The following ACSL1 variants were observed in gnomAD, a reference collection of about 807,000 sequenced individuals.
ACSL1 encodes the protein long-chain-fatty-acid--CoA ligase 1.
ACSL1 carries 41 observed loss-of-function variants against 98.4 expected under a neutral mutation model. That is an observed-to-expected ratio of 0.42 (90% CI 0.32 to 0.54). The LOEUF is 0.54. Among genes scored for constraint, ACSL1 ranks in the 20% least tolerant of loss-of-function variants. The probability of loss-of-function intolerance (pLI) is 0.13; values close to 1 mark genes in which losing one functional copy is unlikely to be tolerated. For synonymous variants in ACSL1, 316 were observed against 322.7 expected, an observed-to-expected ratio of 0.98 and a Z score of 0.22; for missense variants, 734 against 883.1, an observed-to-expected ratio of 0.83 and a Z score of 2.14.
Position 184,766,543 on chromosome 4 carries a change from C to T in ACSL1, c.1263+79G>A. 1 of 1,537,132 alleles carries T rather than the reference C, an allele frequency of 6.5e-7. No individual in the cohort carries two copies. The highest frequency in any genetic ancestry group is 8.8e-7 in the Non-Finnish European group (1 of 1,133,456). ...CTCTCCCTTACCTTCATCTCTCCCT[C>T]TCACAAAAAAGGCCCTCCCAGAACT... On this transcript the variant is annotated intron_variant, in intron 13 of 20. Coordinates refer to ENST00000281455, the MANE Select transcript of ACSL1 (RefSeq NM_001995.5). This position sits in a 1 kb window ranked among gnomAD's most constrained non-coding sequence, Gnocchi z 4.8.
intron 1 of ACSL1, among the ~76,000 whole-genome samples, chr4:184,824,637 G>C (rs928291108): frequency 6.6e-5 from 10 of 152,174 alleles, no homozygotes; most frequent in Non-Finnish European, 7.3e-5. Flanking sequence ...TTTCCGAGTT[G>C]AGTCAGAACA....
chr4:184,773,189 G>T lies in ACSL1; in HGVS notation c.842-35C>A. 1 of 1,580,328 alleles carries T rather than the reference G, an allele frequency of 6.3e-7. No homozygotes were observed. The highest frequency in any genetic ancestry group is 8.7e-7 in the Non-Finnish European group (1 of 1,150,348). ...ACATATGAAGCAGAACAAAGTTAAA[G>T]AATGACAGAAATGAAGGAGGCCCAG... On this transcript the variant is annotated intron_variant, in intron 9 of 20. Coordinates refer to ENST00000281455, the MANE Select transcript of ACSL1 (RefSeq NM_001995.5). The surrounding 1 kb of genome is among the most constrained non-coding windows in gnomAD (Gnocchi z 4.3).
intron 3 of ACSL1, among the ~76,000 whole-genome samples, chr4:184,784,774 G>A (rs866748438): frequency 7.2e-5 from 11 of 152,224 alleles, no homozygotes; most frequent in African/African-American, 2.7e-4. Context: ...CAACGGCAGT[G>A]TGCTGCACAT....
At chr4:184,809,128 G>T (rs1006456502) in intron 1 of ACSL1, among the ~76,000 whole-genome samples, 2 of 152,222 alleles carry the variant, frequency 1.3e-5, no homozygotes, top group African/African-American at 2.4e-5. Flanking sequence ...GATGTAAAAA[G>T]AAGAAACAAA....
chr4:184,803,236 T>C lies in ACSL1; in HGVS notation c.195+84A>G, dbSNP rs1770820419. 8.1e-7 allele frequency: 1 copy of C among 1,242,100 alleles called. No individual in the cohort carries two copies. The allele number at this position is 1,242,100 out of a possible 1,614,324, so 76.9% of individuals were successfully genotyped here. A position where few individuals can be genotyped will look rare whatever the true frequency, so the allele number is the denominator to read the frequency against. ...GCAGTTATAAACAAATATTTGATCT[T>C]GATGGCTATCACATTCAACAGGGCT... On this transcript the variant is annotated intron_variant, in intron 2 of 20. Coordinates refer to ENST00000281455, the MANE Select transcript of ACSL1 (RefSeq NM_001995.5). The surrounding 1 kb of genome is among the most constrained non-coding windows in gnomAD (Gnocchi z 4.8).
rs576038977 is a variant in ACSL1 at position 184,794,397 on chromosome 4, A to G, written c.196-5666T>C. Among the ~76,000 whole-genome samples the G allele has an allele frequency of 9.8e-5, 15 of 152,298 alleles. No individual in the cohort carries two copies. The East Asian group carries it at 1.7e-3, about 18-fold the overall frequency. ...TTTTAAAATTCCCAGATTCCCCCCA[A>G]TACAGTGAACTGTAAATGTCACAAG... On this transcript the variant is annotated intron_variant, in intron 2 of 20. Transcript: ENST00000281455.
intron 1 of ACSL1, among the ~76,000 whole-genome samples, chr4:184,822,554 T>A (rs1286780559): frequency 3.9e-5 from 6 of 152,038 alleles, no homozygotes; most frequent in Non-Finnish European, 8.8e-5. Flanking sequence ...CTGGGCAATA[T>A]GGCAAAACCG....
At chr4:184,759,514 G>C (rs1762579962) in intron 18 of ACSL1, among the ~76,000 whole-genome samples, 1 of 152,134 alleles carries the variant, frequency 6.6e-6, no homozygotes, top group Non-Finnish European at 1.5e-5. Flanking sequence ...CCATCAAAAA[G>C]TGGGTAGAGG....
chr4:184,796,135 C>G (rs1470499891), intron 2 of ACSL1, among the ~76,000 whole-genome samples: 1 of 152,186 alleles, frequency 6.6e-6, no homozygotes, highest in East Asian at 1.9e-4. Context: ...AAATTAAAAG[C>G]AGGCAGAGGA....
At position 184,773,126 on chromosome 4, in the gene ACSL1, G is replaced by T; in HGVS notation, c.870C>A (p.His290Gln). Reference sequence around the variant, plus strand: ...CTGAACAATCGCTCACTATGTTTCGGTGAGTGACCATTGCTCCTTTGGGGT... The same window carrying T: ...CTGAACAATCGCTCACTATGTTTCGTTGAGTGACCATTGCTCCTTTGGGGT... ...TGNPKGAMVT[H>Q]RNIVSDCSAF... The change falls in exon 10 of 21, where the codon CAC (histidine) becomes CAA (glutamine). Residue 290 changes from histidine to glutamine, a missense_variant. By Grantham distance (24) the His-to-Gln change is conservative. Transcript: ENST00000281455. The surrounding 1 kb of genome is among the most constrained non-coding windows in gnomAD (Gnocchi z 4.3). 6.2e-7 allele frequency: 1 copy of T among 1,614,004 alleles called. No individual in the cohort carries two copies. The highest frequency in any genetic ancestry group is 1.1e-5 in the South Asian group (1 of 91,080).
chr4:184,805,819 G>A (rs1446772779), intron 1 of ACSL1: 1 of 152,276 alleles, frequency 6.6e-6, no homozygotes, highest in African/African-American at 2.4e-5. Context: ...GGCAGGGACA[G>A]GCATCAGTGA....
intron 4 of ACSL1, among the ~76,000 whole-genome samples, chr4:184,783,112 G>A (rs1234583034): frequency 1.3e-5 from 2 of 152,228 alleles, no homozygotes; most frequent in East Asian, 1.9e-4. Context: ...TCTGGAGCAC[G>A]TGCCTGTTCC....
At chr4:184,820,069 T>A (rs1187438578) in intron 1 of ACSL1, among the ~76,000 whole-genome samples, 1 of 152,114 alleles carries the variant, frequency 6.6e-6, no homozygotes, top group African/African-American at 2.4e-5. Context: ...ACTCCACACG[T>A]GTGCATGGCC....
Position 184,760,365 on chromosome 4 carries a change from T to C in ACSL1, c.1774A>G (p.Ser592Gly), listed in dbSNP as rs1446036604. ...PVAQVFVHGE[S>G]LQAFLIAIVV... ...ACCCAGAAAGCACATACCTGCAGGC[T>C]TTCTCCGTGGACAAACACCTGAGCA... The change falls in exon 18 of 21, where the codon AGC (serine) becomes GGC (glycine). Residue 592 changes from serine to glycine, a missense_variant. Physicochemically the swap from Ser to Gly is moderately conservative, Grantham distance 56. Coordinates refer to ENST00000281455, the MANE Select transcript of ACSL1 (RefSeq NM_001995.5). 6.2e-7 allele frequency: 1 copy of C among 1,614,002 alleles called. No homozygotes were observed. The highest frequency in any genetic ancestry group is 1.3e-5 in the African/African-American group (1 of 74,906).
chr4:184,812,214 C>T (rs1772193307), intron 1 of ACSL1: 3 of 985,364 alleles, frequency 3.0e-6, no homozygotes, highest in Non-Finnish European at 3.6e-6. Flanking sequence ...CGGCCAGGGT[C>T]TCCTCCCATC....
In ACSL1 at chr4:184,813,228, A is replaced by C. The variant is rs185122776; in HGVS notation, c.-32-9682T>G. Reference sequence around the variant, plus strand: ...TTGGCGGTACATATTTAAGAGGGCAAGTTTCCATTCAAAAAATTTCCTATG... The same window carrying C: ...TTGGCGGTACATATTTAAGAGGGCACGTTTCCATTCAAAAAATTTCCTATG... On this transcript the variant is annotated intron_variant, in intron 1 of 20. Coordinates refer to ENST00000281455, the MANE Select transcript of ACSL1 (RefSeq NM_001995.5). Among the ~76,000 whole-genome samples, 450 of 152,284 alleles carry C rather than the reference A, an allele frequency of 3.0e-3. 3 individuals are homozygous for C. The highest frequency in any genetic ancestry group is 5.3e-3 in the Non-Finnish European group (363 of 68,020).
chr4:184,800,730 G>A (rs1313076012), intron 2 of ACSL1, among the ~76,000 whole-genome samples: 1 of 152,136 alleles, frequency 6.6e-6, no homozygotes, highest in African/African-American at 2.4e-5. Flanking sequence ...GATCAGTCCG[G>A]GCTCCAACAC....
chr4:184,812,039 A>G (rs998565059), intron 1 of ACSL1: 35 of 435,570 alleles, frequency 8.0e-5, no homozygotes, highest in African/African-American at 6.6e-4. Context: ...GCGGTTCCAC[A>G]ACTACCCAGA....
At chr4:184,793,012 AC>A (rs1202216514) in intron 2 of ACSL1, among the ~76,000 whole-genome samples, 5 of 152,074 alleles carry the variant, frequency 3.3e-5, no homozygotes, top group Non-Finnish European at 7.4e-5. Context: ...TTCTGACATA[AC>A]CTACTGATCA....
Sources: allele counts gnomAD v4.1 joint callset (sites outside exome capture counted in the v4.1 genomes callset), GRCh38; gene constraint gnomAD v4.1.1; non-coding constraint Gnocchi (gnomAD v3.1); transcripts MANE v1.5; gene names NCBI Gene and HGNC (gene_info 2026-07-23, HGNC 2026-07-21).